Variants in PIEZO2 observed in about 807,000 individuals in gnomAD.
PIEZO2 encodes the protein piezo-type mechanosensitive ion channel component 2.
PIEZO2 carries 172 observed loss-of-function variants against 337.3 expected under a neutral mutation model. The ratio of observed to expected loss-of-function variants is 0.51; its 90% CI spans 0.45 to 0.58. PIEZO2 has a LOEUF of 0.58. Ranked by LOEUF, PIEZO2 falls within the 20% of genes least tolerant of loss-of-function variation. The pLI is 0.00. For synonymous variants in PIEZO2, 1,251 were observed against 1,228.5 expected, an observed-to-expected ratio of 1.02 and a Z score of -0.38; for missense variants, 3,028 against 3,391.3, an observed-to-expected ratio of 0.89 and a Z score of 2.66.
chr18:10,844,847 TGCAAGACACTCA>T (rs1357495411), intron 7 of PIEZO2, among the ~76,000 whole-genome samples: 1 of 149,252 alleles, frequency 6.7e-6, no homozygotes, highest in African/African-American at 2.5e-5. Flanking sequence ...AAATGAGAGA[TGCAAGACACTCA>T]GCAAGTGCTT....
Position 11,048,464 on chromosome 18 carries a change from C to T in PIEZO2, c.160+17663G>A, listed in dbSNP as rs549923710. 8.0e-4 allele frequency among the ~76,000 whole-genome samples: 122 copies of T among 152,284 alleles called. No individual in the cohort carries two copies. Among genetic ancestry groups the T allele is most frequent in the African/African-American group, 2.8e-3 (117 of 41,562 alleles). On this transcript the variant is annotated intron_variant, in intron 2 of 55. Transcript: ENST00000674853. This position sits in a 1 kb window ranked among gnomAD's most constrained non-coding sequence, Gnocchi z 4.5. The stretch of plus-strand genomic sequence containing the variant: ...GTTTATTTGACTTCCCTGCTTAATG[C>T]TGAGGAAATACTAAAAGGCAGCTTA...
chr18:10,704,270 G>C (rs2035469346), intron 42 of PIEZO2, 124 bp downstream of exon 42: 1 of 1,269,580 alleles, frequency 7.9e-7, no homozygotes, highest in Non-Finnish European at 1.1e-6. Context: ...GGAACTGCAT[G>C]TTCCATGTGA....
Position 11,008,667 on chromosome 18 carries a change from A to G in PIEZO2, c.161-29007T>C, listed in dbSNP as rs191782270. Among the ~76,000 whole-genome samples, 59 of 152,292 alleles carry G rather than the reference A, an allele frequency of 3.9e-4. 1 individual carries two copies. The highest frequency in any genetic ancestry group is 2.9e-5 in the Non-Finnish European group (2 of 68,030). ...TGTGGTCCAAAGTTCCATCTTCTGC[A>G]TATCTATTTATCATTTCCTCATCCA... On this transcript the variant is annotated intron_variant, in intron 2 of 55. Transcript: ENST00000674853.
chr18:11,141,797 C>T (rs577199546), intron 1 of PIEZO2, among the ~76,000 whole-genome samples: 3 of 152,148 alleles, frequency 2.0e-5, no homozygotes, highest in East Asian at 3.9e-4. Context: ...AATACTGAGG[C>T]GACAATAACC....
In PIEZO2 at chr18:11,132,738, G is replaced by A. The variant is rs866930924; in HGVS notation, c.64+15787C>T. Among the ~76,000 whole-genome samples, 1 of 152,030 alleles carries A rather than the reference G, an allele frequency of 6.6e-6. No homozygotes were observed. The highest frequency in any genetic ancestry group is 2.4e-5 in the African/African-American group (1 of 41,374). On this transcript the variant is annotated intron_variant, in intron 1 of 55. Transcript: ENST00000674853. This position sits in a 1 kb window ranked among gnomAD's most constrained non-coding sequence, Gnocchi z 4.7. ...TTAAGATTGCCACCTGGACACTTTG[G>A]GCTCCTCCTACCTTTAAGTCAACAG...
intron 2 of PIEZO2, among the ~76,000 whole-genome samples, chr18:10,981,783 T>C (rs2034676564): frequency 6.6e-6 from 1 of 152,210 alleles, no homozygotes; most frequent in African/African-American, 2.4e-5. Flanking sequence ...CAGAGGAATG[T>C]GGAAGGACTA....
intron 3 of PIEZO2, among the ~76,000 whole-genome samples, chr18:10,928,240 A>G (rs937889150): frequency 1.3e-5 from 2 of 152,220 alleles, no homozygotes; most frequent in Admixed American, 6.5e-5. Flanking sequence ...AGGAAGCTCC[A>G]TGGACTCTGA....
intron 7 of PIEZO2, among the ~76,000 whole-genome samples, chr18:10,844,652 G>T (rs1473239013): frequency 1.3e-5 from 2 of 151,768 alleles, no homozygotes; most frequent in Non-Finnish European, 2.9e-5. Flanking sequence ...AGCTAGGCGT[G>T]GTGGTGGGTG....
chr18:11,148,818 G>C lies in PIEZO2; in HGVS notation c.-230C>G. 1 of 456,770 alleles carries C rather than the reference G, an allele frequency of 2.2e-6. No individual in the cohort carries two copies. The highest frequency in any genetic ancestry group is 3.8e-6 in the Non-Finnish European group (1 of 262,354). The allele number at this position is 456,770 out of a possible 1,614,324, so 28.3% of individuals were successfully genotyped here. A position where few individuals can be genotyped will look rare whatever the true frequency, so the allele number is the denominator to read the frequency against. Reference sequence around the variant, plus strand: ...GGTAGCCCCTCACCAGGCTCTTGGCGGCCACCTAGCCCGGCGCCCGGCCCC... The same window carrying C: ...GGTAGCCCCTCACCAGGCTCTTGGCCGCCACCTAGCCCGGCGCCCGGCCCC... On this transcript the variant is annotated 5_prime_UTR_variant, in exon 1 of 56. Coordinates refer to ENST00000674853, the MANE Select transcript of PIEZO2 (RefSeq NM_001378183.1). The surrounding 1 kb of genome is among the most constrained non-coding windows in gnomAD (Gnocchi z 5.2).
At position 10,724,936 on chromosome 18, in the gene PIEZO2, A is replaced by C. The variant is rs2036470447; in HGVS notation, c.5029+6471T>G. The C allele has an allele frequency of 2.5e-6, 4 of 1,602,168 alleles. No homozygotes were observed. Among genetic ancestry groups the C allele is most frequent in the Non-Finnish European group, 3.4e-6 (4 of 1,172,756 alleles). On this transcript the variant is annotated intron_variant, in intron 36 of 55. Transcript: ENST00000674853. The surrounding 1 kb of genome is among the most constrained non-coding windows in gnomAD (Gnocchi z 5.8). ...ACAGCCTCCACCTGGACGGCGATGGAACCCAGGTGGGCGCACCCTGCGGCC... is the reference window on the plus strand; with the variant it reads ...ACAGCCTCCACCTGGACGGCGATGGCACCCAGGTGGGCGCACCCTGCGGCC...
chr18:10,696,085 A>G lies in PIEZO2; in HGVS notation c.7179T>C (p.Gly2393=), dbSNP rs369017078. The part of the protein sequence containing the change: ...IHFWMFFILP[G]VTERKFSQNL... Reference sequence around the variant, plus strand: ...TCTGAAGACCTTACCTCTCAGTCACACCAGGTAAGATGAAGAACATCCAGA... The same window carrying G: ...TCTGAAGACCTTACCTCTCAGTCACGCCAGGTAAGATGAAGAACATCCAGA... The change falls in exon 47 of 56, where the codon GGT becomes GGC. Residue 2393 remains glycine (G), a synonymous_variant. Coordinates refer to ENST00000674853, the MANE Select transcript of PIEZO2 (RefSeq NM_001378183.1). 1.2e-4 allele frequency: 201 copies of G among 1,613,528 alleles called. No individual in the cohort carries two copies. Among genetic ancestry groups the G allele is most frequent in the Non-Finnish European group, 1.6e-4 (192 of 1,179,568 alleles).
In PIEZO2 at chr18:10,761,949, G is replaced by A. The variant is rs187060808; in HGVS notation, c.3249+551C>T. On this transcript the variant is annotated intron_variant, in intron 23 of 55. Coordinates refer to ENST00000674853, the MANE Select transcript of PIEZO2 (RefSeq NM_001378183.1). Reference sequence around the variant, plus strand: ...TATGTTTGTATGACTATTTGTACTCGTTTCCTTTTCTAAATATATGTTTTA... The same window carrying A: ...TATGTTTGTATGACTATTTGTACTCATTTCCTTTTCTAAATATATGTTTTA... 2.2e-3 allele frequency among the ~76,000 whole-genome samples: 334 copies of A among 152,240 alleles called. 4 individuals carry two copies. Among genetic ancestry groups the A allele is most frequent in the African/African-American group, 7.5e-3 (312 of 41,540 alleles).
chr18:10,742,675 G>C, intron 31 of PIEZO2, 60 bp from the exon 32 acceptor site: 2 of 1,516,228 alleles, frequency 1.3e-6, no homozygotes, highest in Non-Finnish European at 1.8e-6. Flanking sequence ...CATGTGGTCA[G>C]TACTTTGGAC....
In PIEZO2 at chr18:10,982,653, A is replaced by C. The variant is rs946369057; in HGVS notation, c.161-2993T>G. ...CCATGTAAATTTTGAAATTTTGAAG[A>C]ATACGATCGAAAGTGGGTGAGGTTG... On this transcript the variant is annotated intron_variant, in intron 2 of 55. Transcript: ENST00000674853. This position sits in a 1 kb window ranked among gnomAD's most constrained non-coding sequence, Gnocchi z 4.1. Among the ~76,000 whole-genome samples the C allele has an allele frequency of 5.3e-5, 8 of 152,232 alleles. No homozygotes were observed. Among genetic ancestry groups the C allele is most frequent in the Admixed American group, 1.3e-4 (2 of 15,282 alleles).
rs761403931 is a variant in PIEZO2, at chr18:10,677,748, C to T, written c.8080G>A (p.Val2694Met). The change falls in exon 53 of 56, where the codon GTG (valine) becomes ATG (methionine). Residue 2694 changes from valine (V) to methionine (M), a missense_variant and splice_region_variant. Transcript: ENST00000674853. This position sits in a 1 kb window ranked among gnomAD's most constrained non-coding sequence, Gnocchi z 4.1. ...ATTAGTAGGAAAAAATACACTTACACTGGTGTTTTTGAACTTTCTGTGCTG... is the reference window on the plus strand; with the variant it reads ...ATTAGTAGGAAAAAATACACTTACATTGGTGTTTTTGAACTTTCTGTGCTG... ...GNSTESSKTP[V>M]TIEKIYPYYV... 3 of 1,608,514 alleles carry T rather than the reference C, an allele frequency of 1.9e-6. No homozygotes were observed.
intron 1 of PIEZO2, among the ~76,000 whole-genome samples, chr18:11,133,371 G>A (rs1003422651): frequency 2.0e-5 from 3 of 152,120 alleles, no homozygotes; most frequent in Non-Finnish European, 2.9e-5. Flanking sequence ...CTCAGGAAAT[G>A]TGTATGGGTT....
At position 10,858,318 on chromosome 18, in the gene PIEZO2, A is replaced by AC. The variant is rs553141588; in HGVS notation, c.493-1108dup. ...AGCCTGGCGACAGAGCGAGACTTCA[A>AC]CCCAAAAAAAAAAAAAAAAAAAAAA... On this transcript the variant is annotated intron_variant, in intron 5 of 55. Transcript: ENST00000674853. 3.7e-3 allele frequency among the ~76,000 whole-genome samples: 285 copies of AC among 78,044 alleles called. 4 individuals are homozygous for AC. The highest frequency in any genetic ancestry group is 0.015 in the African/African-American group (264 of 17,114). 51.2% of individuals were successfully genotyped at this position (78,044 alleles called of 152,430 possible).
intron 3 of PIEZO2, among the ~76,000 whole-genome samples, chr18:10,948,786 T>C (rs1364587109): frequency 1.3e-5 from 2 of 152,208 alleles, no homozygotes; most frequent in Non-Finnish European, 2.9e-5. Flanking sequence ...TGATGGAGAA[T>C]TTGACCTTAG....
chr18:11,114,250 C>T (rs886363877), intron 1 of PIEZO2, among the ~76,000 whole-genome samples: 19 of 152,308 alleles, frequency 1.2e-4, no homozygotes, highest in African/African-American at 4.6e-4. Flanking sequence ...TCTCAGAAAC[C>T]TCCTCTCAAA....
Sources: gnomAD v4.1 joint callset for allele counts (sites outside exome capture counted in the v4.1 genomes callset) on GRCh38, gnomAD v4.1.1 for gene constraint, Gnocchi (gnomAD v3.1) non-coding constraint, MANE v1.5 for transcripts, NCBI Gene and HGNC (gene_info 2026-07-23, HGNC 2026-07-21) for gene names.